Variants in BBOF1 observed in about 807,000 individuals in gnomAD.
The protein encoded by BBOF1 is basal body orientation factor 1.
In BBOF1, 62 loss-of-function variants were observed where a neutral mutation model predicts 68.0. The ratio of observed to expected loss-of-function variants is 0.91; its 90% CI spans 0.74 to 1.13. The LOEUF (loss-of-function observed/expected upper bound fraction) is 1.13. Ranked by LOEUF, BBOF1 falls within the 50% of genes most tolerant of loss-of-function variation. The probability of loss-of-function intolerance (pLI) is 0.00; values close to 1 mark genes in which losing one functional copy is unlikely to be tolerated. For missense variants in BBOF1, 534 were observed against 600.1 expected (o/e 0.89, Z 1.15); for synonymous variants, 208 against 198.8 (o/e 1.05, Z -0.39).
At chr14:74,027,082 CTTTTTTTT>C (rs1189972161) in intron 2 of BBOF1, among the ~76,000 whole-genome samples, 1 of 88,160 alleles carries the variant, frequency 1.1e-5, no homozygotes, top group Non-Finnish European at 2.1e-5. Context: ...GAAAGGAAGC[CTTTTTTTT>C]TTTTTTTTTT....
chr14:74,061,962 C>A (rs1420337719), intron 11 of BBOF1, among the ~76,000 whole-genome samples: 1 of 148,122 alleles, frequency 6.8e-6, no homozygotes, highest in African/African-American at 2.5e-5. Context: ...GTAATATCAG[C>A]ACTTTGGGAG....
chr14:74,071,972 T>C (rs781075202), intron 9 of BBOF1: 3 of 1,613,924 alleles, frequency 1.9e-6, no homozygotes, highest in Non-Finnish European at 1.7e-6. Context: ...TGGCAATTTC[T>C]TTCTAGAGAG....
chr14:74,034,177 T>G lies in BBOF1; in HGVS notation c.495+6T>G, dbSNP rs752668685. 42 of 1,515,274 alleles carry G rather than the reference T, an allele frequency of 2.8e-5. No homozygotes were observed. In the African/African-American group the frequency reaches 5.3e-4, roughly 19 times the overall value. The allele number at this position is 1,515,274 out of a possible 1,614,324, so 93.9% of individuals were successfully genotyped here. ...TGGAGAGAGAGTTAGATGATGTAAGTTTCATTCCTTTTTTACAAAAAGGAA... is the reference window on the plus strand; with the variant it reads ...TGGAGAGAGAGTTAGATGATGTAAGGTTCATTCCTTTTTTACAAAAAGGAA... On this transcript the variant is annotated splice_donor_region_variant and intron_variant, in intron 4 of 11. Coordinates refer to ENST00000394009, the MANE Select transcript of BBOF1 (RefSeq NM_025057.3).
intron 8 of BBOF1, 36 bp downstream of exon 8, chr14:74,050,231 T>C: frequency 6.6e-7 from 1 of 1,508,294 alleles, no homozygotes; most frequent in Non-Finnish European, 8.8e-7. Context: ...TTTTTGCTGC[T>C]ATTTTTGTGT....
intron 5 of BBOF1, among the ~76,000 whole-genome samples, chr14:74,043,728 T>TCA (rs1216458767): frequency 6.7e-6 from 1 of 150,032 alleles, no homozygotes; most frequent in Non-Finnish European, 1.5e-5. Flanking sequence ...AGACAGGGTT[T>TCA]CACCATGTTG....
chr14:74,032,831 T>G (rs2059608289), intron 3 of BBOF1, among the ~76,000 whole-genome samples: 1 of 152,172 alleles, frequency 6.6e-6, no homozygotes, highest in Admixed American at 6.6e-5. Context: ...ATTGGACTTT[T>G]TTTTCACATT....
At chr14:74,029,726 G>A (rs1381277692) in intron 3 of BBOF1, among the ~76,000 whole-genome samples, 2 of 150,796 alleles carry the variant, frequency 1.3e-5, no homozygotes, top group East Asian at 3.9e-4. Flanking sequence ...ATAAAAATAA[G>A]TTATTGTAAA....
chr14:74,068,724 A>G (rs2060506947), downstream of BBOF1: 1 of 1,035,444 alleles, frequency 9.7e-7, no homozygotes, highest in Non-Finnish European at 1.4e-6. Flanking sequence ...GCTTGGTGAC[A>G]GAGAGACTCT....
At chr14:74,060,506 T>G in intron 11 of BBOF1, 1 of 746,448 alleles carries the variant, frequency 1.3e-6, no homozygotes, top group Non-Finnish European at 2.4e-6. Context: ...TTGCGGGGGT[T>G]AATAGTCCTG....
chr14:74,035,818 A>G (rs566712194), intron 4 of BBOF1, among the ~76,000 whole-genome samples: 3 of 151,896 alleles, frequency 2.0e-5, no homozygotes, highest in African/African-American at 7.2e-5. Flanking sequence ...AGCGGGATGT[A>G]GACAGAAGCT....
rs974642519 is a variant in BBOF1, at chr14:74,072,232, G to A, written n.1380-5964G>A. 1.4e-5 allele frequency: 23 copies of A among 1,614,184 alleles called. No individual in the cohort carries two copies. Among genetic ancestry groups the A allele is most frequent in the East Asian group, 2.2e-5 (1 of 44,888 alleles). On this transcript the variant is annotated intron_variant and non_coding_transcript_variant, in intron 9 of 12. Coordinates refer to the BBOF1 transcript ENST00000492026. ...TTTTCTTTAATAAGTTGTTGATAGC[G>A]GAGCAAGACCTGCTGGCGGCTTAAT... is the stretch of plus-strand genomic sequence containing the variant.
chr14:74,056,942 CTA>C lies in BBOF1; in HGVS notation c.1427_1428del (p.Tyr476CysfsTer4), dbSNP rs766673597. 1.2e-6 allele frequency: 2 copies of C among 1,613,880 alleles called. No individual in the cohort carries two copies. The highest frequency in any genetic ancestry group is 1.7e-6 in the Non-Finnish European group (2 of 1,179,878). On this transcript the variant is annotated frameshift_variant, in exon 10 of 12. Transcript: ENST00000394009. LOFTEE classifies it high-confidence loss of function. ...NQSSRPPVPD[Y>X]VVSDSGETKE... is the part of the protein sequence containing the mutation. ...AGAGTTCTAGGCCTCCAGTTCCAGA[CTA>C]TGTTGTTTCTGACAGTGGGGAAACA...
intron 2 of BBOF1, among the ~76,000 whole-genome samples, chr14:74,023,892 G>A (rs2059360964): frequency 6.8e-6 from 1 of 147,056 alleles, no homozygotes; most frequent in Admixed American, 6.9e-5. Flanking sequence ...CTCCAGCCTG[G>A]CAGCCTGGGC....
At chr14:74,033,975 T>C (rs2059640013) in intron 3 of BBOF1, 53 bp from the exon 4 acceptor site, 1 of 1,472,904 alleles carries the variant, frequency 6.8e-7, no homozygotes, top group Non-Finnish European at 9.2e-7. Flanking sequence ...AAACATGACT[T>C]TGTGGGACTT....
At chr14:74,057,637 TATGAA>T (rs749171349) in intron 11 of BBOF1, 2 of 1,333,156 alleles carry the variant, frequency 1.5e-6, no homozygotes, top group Non-Finnish European at 2.0e-6. Context: ...TATAAGGAGA[TATGAA>T]ATGATTTTTT....
At chr14:74,066,480 T>C (rs1047176294), downstream of BBOF1, among the ~76,000 whole-genome samples, 2 of 152,174 alleles carry the variant, frequency 1.3e-5, no homozygotes, top group African/African-American at 2.4e-5. Context: ...GCTGGAAATA[T>C]CTATCCCTTT....
intron 9 of BBOF1, chr14:74,072,248 G>A: frequency 1.2e-6 from 2 of 1,614,228 alleles, no homozygotes; most frequent in Non-Finnish European, 8.5e-7. Flanking sequence ...AGACCTGCTG[G>A]CGGCTTAATA....
intron 4 of BBOF1, 95 bp from the exon 5 acceptor site, chr14:74,040,470 A>T (rs967367639): frequency 1.3e-6 from 1 of 769,794 alleles, no homozygotes. Flanking sequence ...AACATATAAC[A>T]GAAAGCATTT....
chr14:74,027,661 T>C (rs2059465648), intron 2 of BBOF1, among the ~76,000 whole-genome samples: 1 of 152,060 alleles, frequency 6.6e-6, no homozygotes, highest in Non-Finnish European at 1.5e-5. Context: ...AACCAACTGG[T>C]TAAAATTAGC....
Sources: gnomAD v4.1 joint callset for allele counts (sites outside exome capture counted in the v4.1 genomes callset) on GRCh38, gnomAD v4.1.1 for gene constraint, MANE v1.5 for transcripts, NCBI Gene and HGNC (gene_info 2026-07-23, HGNC 2026-07-21) for gene names.